The following SNX29 variants were observed in gnomAD, a reference collection of about 807,000 sequenced individuals.
SNX29 encodes the protein sorting nexin 29.
SNX29 carries 78 observed loss-of-function variants against 102.1 expected under a neutral mutation model. The observed-to-expected ratio is 0.76, with a 90% CI of 0.64 to 0.92. SNX29 has a LOEUF of 0.92. Among genes scored for constraint, SNX29 ranks in the 40% least tolerant of loss-of-function variants. SNX29 has a pLI of 0.00. For synonymous variants in SNX29, 580 were observed against 414.5 expected, an observed-to-expected ratio of 1.40 and a Z score of -4.85; for missense variants, 1,280 against 1,061.7, an observed-to-expected ratio of 1.21 and a Z score of -2.86.
chr16:12,571,348 G>A lies in SNX29; in HGVS notation c.*2719G>A, dbSNP rs184364297. On this transcript the variant is annotated 3_prime_UTR_variant, in exon 21 of 21. Transcript: ENST00000566228. ...GCCTGGATTCAATTCTGAGGGCTAAGCCACGACCTTATCCATGAGTGGCGA... is the reference window on the plus strand; with the variant it reads ...GCCTGGATTCAATTCTGAGGGCTAAACCACGACCTTATCCATGAGTGGCGA... 888 of 231,532 alleles carry A rather than the reference G, an allele frequency of 3.8e-3. 8 individuals carry two copies. Among genetic ancestry groups the A allele is most frequent in the African/African-American group, 0.018 (822 of 45,342 alleles). 14.3% of individuals were successfully genotyped at this position (231,532 alleles called of 1,614,324 possible).
intron 20 of SNX29, among the ~76,000 whole-genome samples, chr16:12,545,031 C>G (rs1393979311): frequency 6.6e-6 from 1 of 152,164 alleles, no homozygotes. Flanking sequence ...GCTTCAGTAG[C>G]CAGGTCTGTG....
At chr16:12,549,454 C>G (rs552691913) in intron 20 of SNX29, among the ~76,000 whole-genome samples, 6 of 151,932 alleles carry the variant, frequency 3.9e-5, no homozygotes, top group African/African-American at 1.5e-4. Flanking sequence ...AAGATTGCAC[C>G]ATTGAACTCC....
intron 18 of SNX29, among the ~76,000 whole-genome samples, chr16:12,430,786 C>G (rs1009389522): frequency 3.3e-5 from 5 of 151,842 alleles, no homozygotes; most frequent in Non-Finnish European, 7.4e-5. Context: ...AAGAGAGACA[C>G]CTTAGTCCAC....
At chr16:12,513,032 C>T (rs772736022) in intron 19 of SNX29, among the ~76,000 whole-genome samples, 16 of 152,090 alleles carry the variant, frequency 1.1e-4, no homozygotes, top group Non-Finnish European at 1.9e-4. Flanking sequence ...GCAGTGTGTC[C>T]GCAGAGGCTT....
At chr16:12,537,751 C>T (rs922889073) in intron 20 of SNX29, among the ~76,000 whole-genome samples, 1 of 152,004 alleles carries the variant, frequency 6.6e-6, no homozygotes, top group African/African-American at 2.4e-5. Flanking sequence ...TGACCTCTAT[C>T]CTATGTGGGG....
At chr16:12,356,306 C>G (rs4781211) in intron 16 of SNX29, 27 bp downstream of exon 16, 757,420 of 1,559,028 alleles carry the variant, frequency 0.49, 193,334 homozygotes, top group Non-Finnish European at 0.54. Context: ...CCCTGTGTGT[C>G]TGTCAAGCCT....
chr16:12,498,125 C>A (rs1340191008), intron 19 of SNX29, among the ~76,000 whole-genome samples: 1 of 152,186 alleles, frequency 6.6e-6, no homozygotes, highest in Admixed American at 6.5e-5. Flanking sequence ...AAGCAGCATT[C>A]AGCTATTGAA....
intron 15 of SNX29, among the ~76,000 whole-genome samples, chr16:12,323,711 A>C (rs562555166): frequency 2.3e-4 from 35 of 152,068 alleles, no homozygotes; most frequent in Non-Finnish European, 4.0e-4. Context: ...TGGGGTGATT[A>C]AGGGTGTGGG....
chr16:12,127,531 C>T (rs2054271295), intron 12 of SNX29, among the ~76,000 whole-genome samples: 1 of 151,700 alleles, frequency 6.6e-6, no homozygotes, highest in African/African-American at 2.4e-5. Context: ...AAGTGATCCT[C>T]CAGCGTCAGC....
intron 19 of SNX29, among the ~76,000 whole-genome samples, chr16:12,479,663 C>T (rs2087817006): frequency 6.6e-6 from 1 of 152,158 alleles, no homozygotes; most frequent in Admixed American, 6.5e-5. Flanking sequence ...AATCTAATGA[C>T]CCATAGGCTC....
At chr16:12,553,284 A>G (rs2078105113) in intron 20 of SNX29, among the ~76,000 whole-genome samples, 4 of 152,210 alleles carry the variant, frequency 2.6e-5, no homozygotes, top group Admixed American at 2.0e-4. Context: ...GCACAGAGTA[A>G]GAGGAAAATG....
At chr16:12,091,407 T>C (rs574791418) in intron 11 of SNX29, among the ~76,000 whole-genome samples, 107 of 152,154 alleles carry the variant, frequency 7.0e-4, no homozygotes, top group Non-Finnish European at 5.9e-4. Context: ...TAACCCCCAG[T>C]GTGATGGTGT....
At chr16:12,476,383 A>AT (rs1177808663) in intron 18 of SNX29, among the ~76,000 whole-genome samples, 1 of 9,494 alleles carries the variant, frequency 1.1e-4, no homozygotes, top group Non-Finnish European at 2.2e-4. Flanking sequence ...AAAAAAAAAA[A>AT]ATATATATAT....
Position 12,568,732 on chromosome 16 carries a change from T to C in SNX29, c.*103T>C. On this transcript the variant is annotated 3_prime_UTR_variant, in exon 21 of 21. Transcript: ENST00000566228. ...CCTCAGCGTGACAACCACGTCCACCTGGTGATCCTGAGAGCACACGATTCC... is the reference window on the plus strand; with the variant it reads ...CCTCAGCGTGACAACCACGTCCACCCGGTGATCCTGAGAGCACACGATTCC... 6.8e-7 allele frequency: 1 copy of C among 1,480,268 alleles called. No homozygotes were observed. Among genetic ancestry groups the C allele is most frequent in the Non-Finnish European group, 9.0e-7 (1 of 1,109,984 alleles). 91.7% of individuals were successfully genotyped at this position (1,480,268 alleles called of 1,614,324 possible).
intron 16 of SNX29, among the ~76,000 whole-genome samples, chr16:12,356,806 A>C (rs2082148658): frequency 1.3e-5 from 2 of 152,210 alleles, no homozygotes; most frequent in African/African-American, 2.4e-5. Flanking sequence ...GCATTGTGGG[A>C]TGTCTAGCAG....
chr16:12,217,562 G>A (rs965306312), intron 14 of SNX29, among the ~76,000 whole-genome samples: 2 of 152,210 alleles, frequency 1.3e-5, no homozygotes, highest in African/African-American at 4.8e-5. Flanking sequence ...ACCCGTAGGT[G>A]AGGCAGTGAC....
At chr16:12,239,528 A>G (rs1049019155) in intron 14 of SNX29, among the ~76,000 whole-genome samples, 1 of 151,688 alleles carries the variant, frequency 6.6e-6, no homozygotes, top group African/African-American at 2.4e-5. Flanking sequence ...TGAAAACTAC[A>G]ATTAAAAAAT....
At chr16:12,211,069 A>T (rs1479287917) in intron 14 of SNX29, among the ~76,000 whole-genome samples, 1 of 152,112 alleles carries the variant, frequency 6.6e-6, no homozygotes, top group Non-Finnish European at 1.5e-5. Context: ...CTTTTTACAC[A>T]GACTCCAAAA....
intron 15 of SNX29, among the ~76,000 whole-genome samples, chr16:12,294,715 C>T (rs1296951366): frequency 6.6e-6 from 1 of 152,150 alleles, no homozygotes; most frequent in Non-Finnish European, 1.5e-5. Context: ...AGGCTGGCTC[C>T]TTGCCTCCCT....
Sources: gnomAD v4.1 joint callset for allele counts (sites outside exome capture counted in the v4.1 genomes callset) on GRCh38, gnomAD v4.1.1 for gene constraint, MANE v1.5 for transcripts, NCBI Gene and HGNC (gene_info 2026-07-23, HGNC 2026-07-21) for gene names.